RIN3: variants seen among roughly 807,000 people sequenced by gnomAD.
RIN3 encodes the protein Ras and Rab interactor 3, also known as RAB5 interacting protein 3.
RIN3 carries 54 observed loss-of-function variants against 76.3 expected under a neutral mutation model. That is an observed-to-expected ratio of 0.71 (90% CI 0.57 to 0.89). RIN3 has a LOEUF of 0.89. Ranked by LOEUF, RIN3 falls within the 40% of genes least tolerant of loss-of-function variation. The pLI, the probability that RIN3 is intolerant of heterozygous loss-of-function variation, is 0.00. For synonymous variants in RIN3, 576 were observed against 564.0 expected, an observed-to-expected ratio of 1.02 and a Z score of -0.30; for missense variants, 1,256 against 1,322.1, an observed-to-expected ratio of 0.95 and a Z score of 0.78.
At chr14:92,551,420 C>T (rs1897422999) in intron 1 of RIN3, among the ~76,000 whole-genome samples, 1 of 152,134 alleles carries the variant, frequency 6.6e-6, no homozygotes, top group Non-Finnish European at 1.5e-5. Context: ...CATTCGTATG[C>T]AGGTCTTTCT....
At chr14:92,640,717 A>G (rs1401196425) in intron 4 of RIN3, among the ~76,000 whole-genome samples, 16 of 69,014 alleles carry the variant, frequency 2.3e-4, no homozygotes, top group African/African-American at 7.9e-4. Flanking sequence ...TGTGCTCGTC[A>G]GAGGCTGCCT....
At chr14:92,644,141 T>A (rs1887111361) in intron 5 of RIN3, among the ~76,000 whole-genome samples, 2 of 152,194 alleles carry the variant, frequency 1.3e-5, no homozygotes, top group South Asian at 4.1e-4. Flanking sequence ...ACTGAGGGCT[T>A]TCTGCCTCTG....
At chr14:92,639,702 G>C (rs1051074938) in intron 4 of RIN3, among the ~76,000 whole-genome samples, 1 of 152,172 alleles carries the variant, frequency 6.6e-6, no homozygotes, top group East Asian at 1.9e-4. Context: ...TTTCCTTTCC[G>C]GGCCCCTGTT....
chr14:92,614,595 G>T (rs964942898), intron 3 of RIN3, among the ~76,000 whole-genome samples: 1 of 151,970 alleles, frequency 6.6e-6, no homozygotes, highest in African/African-American at 2.4e-5. Flanking sequence ...CCTGGTGGGA[G>T]ATAATTGAAT....
intron 4 of RIN3, among the ~76,000 whole-genome samples, chr14:92,629,149 GAGA>G (rs1886468963): frequency 7.9e-6 from 1 of 127,322 alleles, no homozygotes; most frequent in East Asian, 2.4e-4. Flanking sequence ...GAGAGAGAGA[GAGA>G]GATTGATTGA....
chr14:92,664,364 C>CTTTTTTTTTTTTTTTTTTTT (rs373597134), intron 7 of RIN3, among the ~76,000 whole-genome samples: 1 of 84,446 alleles, frequency 1.2e-5, no homozygotes, highest in Non-Finnish European at 2.3e-5. Context: ...TTCTTTCTTT[C>CTTTTTTTTTTTTTTTTTTTT]TTTTTTTTTT....
chr14:92,655,519 G>C (rs1467485939), intron 6 of RIN3, among the ~76,000 whole-genome samples: 2 of 152,266 alleles, frequency 1.3e-5, no homozygotes, highest in Non-Finnish European at 2.9e-5. Context: ...GACTTTTCCT[G>C]TATGTGAGAT....
At chr14:92,569,793 TCAA>T (rs1898015279) in intron 2 of RIN3, among the ~76,000 whole-genome samples, 1 of 152,044 alleles carries the variant, frequency 6.6e-6, no homozygotes, top group African/African-American at 2.4e-5. Context: ...GCTAGGGGCA[TCAA>T]AATAGTAAGG....
rs537915605 is a variant in RIN3, at chr14:92,536,474, T to G, written c.45-19277T>G. Among the ~76,000 whole-genome samples the G allele has an allele frequency of 1.1e-4, 16 of 152,284 alleles. No homozygotes were observed. The South Asian group carries it at 3.1e-3, about 30-fold the overall frequency. ...ACTGCCAGGGTTCAGCCGGGAGCAGTGACTCACATCTGTAATCCCAGCACT... is the reference window on the plus strand; with the variant it reads ...ACTGCCAGGGTTCAGCCGGGAGCAGGGACTCACATCTGTAATCCCAGCACT... On this transcript the variant is annotated intron_variant, in intron 1 of 9. Transcript: ENST00000216487.
intron 5 of RIN3, among the ~76,000 whole-genome samples, chr14:92,646,880 A>T (rs1486818007): frequency 6.6e-6 from 1 of 152,184 alleles, no homozygotes; most frequent in Non-Finnish European, 1.5e-5. Flanking sequence ...CTGAAAATAC[A>T]GTTTTGGTTT....
chr14:92,650,737 C>T (rs1433712325), intron 5 of RIN3, among the ~76,000 whole-genome samples: 4 of 152,332 alleles, frequency 2.6e-5, no homozygotes, highest in East Asian at 1.9e-4. Flanking sequence ...CCTGAGCCTC[C>T]GTCAGATGCT....
At chr14:92,561,147 T>TTA (rs1234225317) in intron 2 of RIN3, among the ~76,000 whole-genome samples, 28 of 36,894 alleles carry the variant, frequency 7.6e-4, no homozygotes, top group African/African-American at 2.4e-3. Flanking sequence ...ATATATATTT[T>TTA]TATATATATA....
intron 3 of RIN3, among the ~76,000 whole-genome samples, chr14:92,591,610 A>G (rs970524240): frequency 6.6e-6 from 1 of 152,204 alleles, no homozygotes; most frequent in Non-Finnish European, 1.5e-5. Flanking sequence ...CACCTTGCCT[A>G]TAGAGGAACA....
chr14:92,519,726 G>A (rs987632097), intron 1 of RIN3, among the ~76,000 whole-genome samples: 4 of 152,210 alleles, frequency 2.6e-5, no homozygotes, highest in Non-Finnish European at 4.4e-5. Context: ...AGGTGGGGGC[G>A]GCAGTGACGC....
At chr14:92,638,886 C>A (rs1027814395) in intron 4 of RIN3, among the ~76,000 whole-genome samples, 2 of 152,186 alleles carry the variant, frequency 1.3e-5, no homozygotes, top group African/African-American at 4.8e-5. Flanking sequence ...TGTGCCACAG[C>A]CTGCCCTGTC....
At chr14:92,621,568 A>G (rs1465429110) in intron 4 of RIN3, among the ~76,000 whole-genome samples, 2 of 152,234 alleles carry the variant, frequency 1.3e-5, no homozygotes, top group East Asian at 1.9e-4. Flanking sequence ...GTTCCAGGCT[A>G]TAGGTAAATT....
chr14:92,557,372 G>A (rs1454993503), intron 2 of RIN3, among the ~76,000 whole-genome samples: 2 of 152,200 alleles, frequency 1.3e-5, no homozygotes, highest in African/African-American at 4.8e-5. Flanking sequence ...GCTATGTTGA[G>A]CACACACGTT....
At position 92,568,107 on chromosome 14, in the gene RIN3, C is replaced by T. The variant is rs1040558509; in HGVS notation, c.250-9253C>T. On this transcript the variant is annotated intron_variant, in intron 2 of 9. Transcript: ENST00000216487. The surrounding 1 kb of genome is among the most constrained non-coding windows in gnomAD (Gnocchi z 4.2). Reference sequence around the variant, plus strand: ...AGGGGCAGAGGTAGTATTTGTGTTTCACTGTGTCTCTAAATAGCTGGCTGC... The same window carrying T: ...AGGGGCAGAGGTAGTATTTGTGTTTTACTGTGTCTCTAAATAGCTGGCTGC... Among the ~76,000 whole-genome samples, 7 of 152,100 alleles carry T rather than the reference C, an allele frequency of 4.6e-5. No homozygotes were observed. Among genetic ancestry groups the T allele is most frequent in the African/African-American group, 1.7e-4 (7 of 41,410 alleles).
At chr14:92,576,196 A>T in intron 2 of RIN3, 7 of 1,242,206 alleles carry the variant, frequency 5.6e-6, no homozygotes, top group Non-Finnish European at 7.3e-6. Context: ...CCTGCCAAGG[A>T]GGGATGAGCT....
Sources: allele counts gnomAD v4.1 joint callset (sites outside exome capture counted in the v4.1 genomes callset), GRCh38; gene constraint gnomAD v4.1.1; non-coding constraint Gnocchi (gnomAD v3.1); transcripts MANE v1.5; gene names NCBI Gene and HGNC (gene_info 2026-07-23, HGNC 2026-07-21).